Variants in NOCT observed in about 807,000 individuals in gnomAD.
The protein encoded by NOCT is CCR4 carbon catabolite repression 4-like.
NOCT carries 18 observed loss-of-function variants against 35.0 expected under a neutral mutation model. The ratio of observed to expected loss-of-function variants is 0.51; its 90% CI spans 0.36 to 0.76. The LOEUF is 0.76. Among genes scored for constraint, NOCT ranks in the 30% least tolerant of loss-of-function variants. The pLI is 0.01. For missense variants in NOCT, 479 were observed against 541.0 expected, an observed-to-expected ratio of 0.89 and a Z score of 1.14; for synonymous variants, 235 against 226.3, an observed-to-expected ratio of 1.04 and a Z score of -0.34.
At chr4:139,020,863 A>G (rs1472341887) in intron 1 of NOCT, among the ~76,000 whole-genome samples, 3 of 151,830 alleles carry the variant, frequency 2.0e-5, no homozygotes, top group African/African-American at 7.3e-5. Context: ...GAGGCATTCA[A>G]GACCAGCCTG....
At chr4:139,040,195 G>C (rs1329342340) in intron 1 of NOCT, among the ~76,000 whole-genome samples, 8 of 64,776 alleles carry the variant, frequency 1.2e-4, no homozygotes, top group African/African-American at 3.6e-4. Flanking sequence ...ACCATGCCCA[G>C]CTAATTTTTT....
At chr4:139,035,180 G>A (rs1726707795) in intron 1 of NOCT, among the ~76,000 whole-genome samples, 1 of 152,056 alleles carries the variant, frequency 6.6e-6, no homozygotes, top group East Asian at 1.9e-4. Flanking sequence ...AGGCTGGAGT[G>A]CAGTGGCATG....
intron 1 of NOCT, among the ~76,000 whole-genome samples, chr4:139,017,450 A>G (rs1726333552): frequency 6.6e-6 from 1 of 150,402 alleles, no homozygotes; most frequent in African/African-American, 2.4e-5. Flanking sequence ...CTGGCCTCGA[A>G]CTCCCTAGCT....
Position 139,029,190 on chromosome 4 carries a change from A to T in NOCT, c.190+13019A>T, listed in dbSNP as rs574474168. ...GGAAAAAAGTGAGTTTTACAGAATG[A>T]AACAGAATAGCTAACATTTAGCTAA... On this transcript the variant is annotated intron_variant, in intron 1 of 2. Transcript: ENST00000280614. 6.5e-4 allele frequency among the ~76,000 whole-genome samples: 99 copies of T among 152,344 alleles called. 1 individual carries two copies. Among genetic ancestry groups the T allele is most frequent in the African/African-American group, 2.3e-3 (94 of 41,570 alleles).
At chr4:139,018,975 G>C (rs1373088152) in intron 1 of NOCT, among the ~76,000 whole-genome samples, 1 of 152,208 alleles carries the variant, frequency 6.6e-6, no homozygotes, top group Non-Finnish European at 1.5e-5. Flanking sequence ...AAGGGTGAGA[G>C]AAGAGGCACT....
chr4:139,032,562 A>G (rs1726645418), intron 1 of NOCT, among the ~76,000 whole-genome samples: 1 of 152,258 alleles, frequency 6.6e-6, no homozygotes, highest in Non-Finnish European at 1.5e-5. Flanking sequence ...AATTGTGAGC[A>G]GAAGCCAAAT....
At position 139,044,783 on chromosome 4, in the gene NOCT, C is replaced by A; in HGVS notation, c.605C>A (p.Thr202Asn). Residue 202 changes from threonine (T) to asparagine (N), a missense_variant, in exon 3 of 3, where the codon ACC becomes AAC. By Grantham distance (65) the Thr-to-Asn change is moderately conservative. Transcript: ENST00000280614. ...CAAGAGGTGGACCACTATTTTGACA[C>A]CTTCCAGCCACTCCTCAGTAGACTA... ...CLQEVDHYFD[T>N]FQPLLSRLGY... 1 of 1,614,176 alleles carries A rather than the reference C, an allele frequency of 6.2e-7. No individual in the cohort carries two copies.
chr4:139,042,691 A>C (rs995656975), intron 1 of NOCT, among the ~76,000 whole-genome samples: 3 of 152,190 alleles, frequency 2.0e-5, no homozygotes. Flanking sequence ...CGAGGCGGGC[A>C]GATCACCTGA....
At chr4:139,017,665 C>T (rs1308250075) in intron 1 of NOCT, among the ~76,000 whole-genome samples, 3 of 151,728 alleles carry the variant, frequency 2.0e-5, no homozygotes. Context: ...CGTGGTGGCA[C>T]TCGCCTGTAA....
intron 1 of NOCT, among the ~76,000 whole-genome samples, chr4:139,038,184 G>A (rs903056239): frequency 1.3e-5 from 2 of 152,052 alleles, no homozygotes; most frequent in Admixed American, 6.6e-5. Flanking sequence ...TGGTGACAGA[G>A]TGAGACTGTC....
At position 139,015,917 on chromosome 4, in the gene NOCT, C is replaced by T. The variant is rs3749515; in HGVS notation, c.-65C>T. On this transcript the variant is annotated 5_prime_UTR_variant, in exon 1 of 3. Coordinates refer to ENST00000280614, the MANE Select transcript of NOCT (RefSeq NM_012118.4). ...CCGGACAGTCGGCTCGACTCGGTGC[C>T]CTCGGCCCCAGCCGGGCTCCGCTCC... 836,043 of 1,224,534 alleles carry T rather than the reference C, an allele frequency of 0.68. 288,205 individuals are homozygous for T. The highest frequency in any genetic ancestry group is 0.76 in the Admixed American group (17,572 of 23,044). 75.9% of individuals were successfully genotyped at this position (1,224,534 alleles called of 1,614,324 possible). A position where few individuals can be genotyped will look rare whatever the true frequency, so the allele number is the denominator to read the frequency against.
chr4:139,026,179 G>A (rs1031576607), intron 1 of NOCT, among the ~76,000 whole-genome samples: 1 of 152,120 alleles, frequency 6.6e-6, no homozygotes, highest in Admixed American at 6.5e-5. Context: ...TCTGCTGACT[G>A]CAACCTCTGC....
At chr4:139,016,929 A>G (rs111389102) in intron 1 of NOCT, among the ~76,000 whole-genome samples, 1,569 of 150,506 alleles carry the variant, frequency 0.01, 26 homozygotes, top group African/African-American at 0.035. Context: ...CTGGGATCAC[A>G]GGCGTGAGCC....
At chr4:139,032,498 A>G (rs566037448) in intron 1 of NOCT, among the ~76,000 whole-genome samples, 94 of 150,416 alleles carry the variant, frequency 6.2e-4, no homozygotes, top group African/African-American at 2.3e-3. Context: ...CTACTTTTTT[A>G]AAAAAAAATT....
chr4:139,027,901 AG>A, intron 1 of NOCT, among the ~76,000 whole-genome samples: 1 of 152,258 alleles, frequency 6.6e-6, no homozygotes, highest in South Asian at 2.1e-4. Context: ...AAAATATAAA[AG>A]CCTTTCTTAG....
At chr4:139,038,923 C>G (rs72947673) in intron 1 of NOCT, among the ~76,000 whole-genome samples, 1,693 of 152,002 alleles carry the variant, frequency 0.011, 42 homozygotes, top group African/African-American at 0.039. Flanking sequence ...CTAGATATGG[C>G]AAATTTTTTT....
rs546346607 is a variant in NOCT, at chr4:139,045,509, A to ATTTTTTT, written c.*54_*60dup. ...TTTGTCTTTTTAATCACAGGAGTCT[A>ATTTTTTT]TTTTTTTTTTTTTTTTTTTTTTTTT... is the stretch of plus-strand genomic sequence containing the variant. On this transcript the variant is annotated 3_prime_UTR_variant, in exon 3 of 3. Transcript: ENST00000280614. 730 of 379,026 alleles carry ATTTTTTT rather than the reference A, an allele frequency of 1.9e-3. 51 individuals carry two copies. Among genetic ancestry groups the ATTTTTTT allele is most frequent in the Non-Finnish European group, 2.2e-3 (511 of 233,084 alleles). The allele number at this position is 379,026 out of a possible 1,614,324, so 23.5% of individuals were successfully genotyped here. A position where few individuals can be genotyped will look rare whatever the true frequency, so the allele number is the denominator to read the frequency against.
chr4:139,036,866 C>T (rs937843991), intron 1 of NOCT, among the ~76,000 whole-genome samples: 16 of 152,124 alleles, frequency 1.1e-4, no homozygotes. Flanking sequence ...GTGATGGTCC[C>T]ACTGTTTAAG....
intron 1 of NOCT, among the ~76,000 whole-genome samples, chr4:139,039,592 T>A (rs1168369064): frequency 6.6e-6 from 1 of 152,128 alleles, no homozygotes; most frequent in Non-Finnish European, 1.5e-5. Context: ...TTTATTTTTT[T>A]TTAAAAAAAG....
Sources: gnomAD v4.1 joint callset for allele counts (sites outside exome capture counted in the v4.1 genomes callset) on GRCh38, gnomAD v4.1.1 for gene constraint, MANE v1.5 for transcripts, NCBI Gene and HGNC (gene_info 2026-07-23, HGNC 2026-07-21) for gene names.